LARGE1: variants seen among roughly 807,000 people sequenced by gnomAD.
LARGE1 encodes LARGE xylosyl- and glucuronyltransferase 1.
Under a neutral mutation model 87.6 loss-of-function variants are expected in LARGE1, and 43 were observed. The observed-to-expected ratio is 0.49, with a 90% CI of 0.38 to 0.63. LARGE1 has a LOEUF of 0.63. LARGE1 is among the 30% of genes least tolerant of loss of function. LARGE1 has a pLI of 0.00. For synonymous variants in LARGE1, 434 were observed against 394.6 expected, an observed-to-expected ratio of 1.10 and a Z score of -1.18; for missense variants, 802 against 1,000.2, an observed-to-expected ratio of 0.80 and a Z score of 2.67.
chr22:33,686,796 T>G (rs1280201637), intron 2 of LARGE1, among the ~76,000 whole-genome samples: 1 of 152,186 alleles, frequency 6.6e-6, no homozygotes, highest in African/African-American at 2.4e-5. Flanking sequence ...AGTGTAGGGT[T>G]GCCAGATTTA....
intron 1 of LARGE1, among the ~76,000 whole-genome samples, chr22:33,825,814 T>C (rs2062765436): frequency 6.6e-6 from 1 of 151,994 alleles, no homozygotes; most frequent in Non-Finnish European, 1.5e-5. Context: ...CAATCCTGAC[T>C]CCAACAGAGA....
chr22:33,710,183 C>A (rs2082690558), intron 2 of LARGE1, among the ~76,000 whole-genome samples: 1 of 148,786 alleles, frequency 6.7e-6, no homozygotes, highest in African/African-American at 2.5e-5. Flanking sequence ...ACAAGCAATT[C>A]AAGGAGATTG....
At position 33,493,254 on chromosome 22, in the gene LARGE1, G is replaced by A. The variant is rs552010063; in HGVS notation, c.788-60989C>T. Among the ~76,000 whole-genome samples, 10 of 146,086 alleles carry A rather than the reference G, an allele frequency of 6.8e-5. No homozygotes were observed. In the South Asian group the frequency reaches 1.6e-3, roughly 23 times the overall value. ...CGGCTCGCTGCAACCTTCACCTCCC[G>A]GGTTCAAGTGATTCTCCTGCCTCAG... On this transcript the variant is annotated intron_variant, in intron 6 of 14. Transcript: ENST00000397394.
chr22:33,687,785 G>C (rs75837586), intron 2 of LARGE1, among the ~76,000 whole-genome samples: 2,495 of 152,278 alleles, frequency 0.016, 58 homozygotes, highest in African/African-American at 0.057. Flanking sequence ...CTGTTCACCA[G>C]GTAGGCCTGA....
intron 9 of LARGE1, among the ~76,000 whole-genome samples, chr22:33,365,703 A>T (rs1437453509): frequency 2.1e-5 from 3 of 142,510 alleles, no homozygotes; most frequent in Non-Finnish European, 4.5e-5. Context: ...CAACCTCTCC[A>T]CCTCCCGGGC....
chr22:33,080,496 A>C, the LARGE1 span, among the ~76,000 whole-genome samples: 143 of 152,204 alleles, frequency 9.4e-4, 1 homozygote, highest in Non-Finnish European at 1.6e-3. Flanking sequence ...GGCAAATCTC[A>C]CATTAGCTCT....
At chr22:33,477,527 T>C (rs568401517) in intron 6 of LARGE1, among the ~76,000 whole-genome samples, 1 of 152,272 alleles carries the variant, frequency 6.6e-6, no homozygotes, top group Non-Finnish European at 1.5e-5. Context: ...CTTAATTTCA[T>C]GTCCAAGAAA....
chr22:33,645,084 G>A (rs927422363), intron 3 of LARGE1, among the ~76,000 whole-genome samples: 1 of 152,092 alleles, frequency 6.6e-6, no homozygotes, highest in Non-Finnish European at 1.5e-5. Flanking sequence ...AACCAAAAAA[G>A]AGCCCATCTA....
intron 1 of LARGE1, among the ~76,000 whole-genome samples, chr22:33,878,834 A>G (rs1307368959): frequency 6.6e-6 from 1 of 152,170 alleles, no homozygotes; most frequent in African/African-American, 2.4e-5. Context: ...GTTTAATAGG[A>G]TAAGTGTTTG....
At chr22:33,709,588 T>C in intron 2 of LARGE1, among the ~76,000 whole-genome samples, 1 of 152,072 alleles carries the variant, frequency 6.6e-6, no homozygotes, top group East Asian at 1.9e-4. Flanking sequence ...GGTGGCGTGG[T>C]TGTTTAGAGG....
intron 6 of LARGE1, among the ~76,000 whole-genome samples, chr22:33,506,845 G>T (rs1050595492): frequency 7.2e-5 from 11 of 152,130 alleles, no homozygotes; most frequent in African/African-American, 2.7e-4. Flanking sequence ...AGGTTGCAGT[G>T]AGCCGAGATC....
At chr22:33,138,426 T>C in the LARGE1 span, among the ~76,000 whole-genome samples, 1 of 150,720 alleles carries the variant, frequency 6.6e-6, no homozygotes, top group African/African-American at 2.4e-5. Flanking sequence ...GATGAGACTT[T>C]GGACTGAGGA....
At chr22:33,909,167 G>A (rs1173457870) in intron 1 of LARGE1, among the ~76,000 whole-genome samples, 1 of 152,122 alleles carries the variant, frequency 6.6e-6, no homozygotes, top group East Asian at 1.9e-4. Flanking sequence ...GTCACGAGTG[G>A]ACTTTATTCC....
intron 12 of LARGE1, among the ~76,000 whole-genome samples, chr22:33,295,878 T>C (rs1308005896): frequency 1.3e-5 from 2 of 152,194 alleles, no homozygotes; most frequent in Non-Finnish European, 2.9e-5. Context: ...GGTGATTCCT[T>C]AATGGGTGGC....
At chr22:33,626,608 G>A (rs2079930669) in intron 3 of LARGE1, among the ~76,000 whole-genome samples, 1 of 152,208 alleles carries the variant, frequency 6.6e-6, no homozygotes, top group Admixed American at 6.5e-5. Context: ...CAAACAGTGA[G>A]TCTCCTGTCC....
chr22:33,609,404 C>T (rs145226959), intron 4 of LARGE1, among the ~76,000 whole-genome samples: 314 of 152,268 alleles, frequency 2.1e-3, no homozygotes, highest in African/African-American at 7.2e-3. Flanking sequence ...GACGACTCTA[C>T]AAGGAGGAGC....
chr22:33,307,467 G>A (rs769377734), intron 11 of LARGE1, among the ~76,000 whole-genome samples: 7 of 151,458 alleles, frequency 4.6e-5, no homozygotes, highest in African/African-American at 7.3e-5. Flanking sequence ...TTCTTCTCCC[G>A]GTGTCAATGC....
At chr22:33,281,941 TA>T (rs1299825189) in intron 13 of LARGE1, among the ~76,000 whole-genome samples, 8 of 152,248 alleles carry the variant, frequency 5.3e-5, no homozygotes, top group African/African-American at 1.9e-4. Flanking sequence ...CCCAAGTTAT[TA>T]AGACTATAAT....
intron 11 of LARGE1, among the ~76,000 whole-genome samples, chr22:33,239,065 C>T (rs1466922148): frequency 2.0e-5 from 3 of 150,062 alleles, no homozygotes; most frequent in African/African-American, 4.9e-5. Flanking sequence ...CAAGATTAAT[C>T]GCAAAAAGGA....
Sources: gnomAD v4.1 joint callset for allele counts (sites outside exome capture counted in the v4.1 genomes callset) on GRCh38, gnomAD v4.1.1 for gene constraint, MANE v1.5 for transcripts, NCBI Gene and HGNC (gene_info 2026-07-23, HGNC 2026-07-21) for gene names.